The following DCDC1 variants were observed in gnomAD, a reference collection of about 807,000 sequenced individuals.
DCDC1 encodes doublecortin domain-containing protein 1.
Under a neutral mutation model 178.3 loss-of-function variants are expected in DCDC1, and 200 were observed. That is an observed-to-expected ratio of 1.12 (90% CI 1.00 to 1.26). The LOEUF is 1.26. Among genes scored for constraint, DCDC1 ranks in the 50% most tolerant of loss-of-function variants. DCDC1 has a pLI of 0.00. For missense variants in DCDC1, 1,983 were observed against 1,749.2 expected (o/e 1.13, Z -2.38); for synonymous variants, 690 against 604.8 (o/e 1.14, Z -2.07).
chr11:31,274,490 C>T (rs1945825055), intron 7 of DCDC1, among the ~76,000 whole-genome samples: 1 of 149,370 alleles, frequency 6.7e-6, no homozygotes, highest in Admixed American at 6.7e-5. Context: ...CTGGATTTAT[C>T]TGGAAACAAG....
rs35647764 is a variant in DCDC1 at position 31,250,758 on chromosome 11, ATT to A, written c.1055-9144_1055-9143del. On this transcript the variant is annotated intron_variant, in intron 8 of 38. Transcript: ENST00000684477. Reference sequence around the variant, plus strand: ...ACTTATGTTAGGCAGCATCCCTAATATTTTTTTTTTTTTTTGAGACGGAGTCT... The same window carrying A: ...ACTTATGTTAGGCAGCATCCCTAATATTTTTTTTTTTTTGAGACGGAGTCT... Among the ~76,000 whole-genome samples, 1,374 of 142,428 alleles carry A rather than the reference ATT, an allele frequency of 9.6e-3. 22 individuals carry two copies. The highest frequency in any genetic ancestry group is 0.03 in the African/African-American group (1,167 of 38,372). The allele number at this position is 142,428 out of a possible 152,430, so 93.4% of individuals were successfully genotyped here.
At chr11:31,345,152 T>TA (rs1950748518) in intron 1 of DCDC1, among the ~76,000 whole-genome samples, 9 of 151,950 alleles carry the variant, frequency 5.9e-5, no homozygotes, top group African/African-American at 1.4e-4. Flanking sequence ...AGGCCATTTT[T>TA]TAAAAAAAAC....
chr11:31,074,374 T>C (rs934231670), intron 18 of DCDC1, among the ~76,000 whole-genome samples: 3 of 152,184 alleles, frequency 2.0e-5, no homozygotes, highest in Non-Finnish European at 2.9e-5. Context: ...TGAAACTTAA[T>C]TGCCAATGTG....
At chr11:31,060,381 T>C (rs1955843818) in intron 20 of DCDC1, among the ~76,000 whole-genome samples, 1 of 152,092 alleles carries the variant, frequency 6.6e-6, no homozygotes, top group Admixed American at 6.6e-5. Context: ...TGTTCTGCCT[T>C]TGTTACCATT....
intron 9 of DCDC1, among the ~76,000 whole-genome samples, chr11:31,187,523 T>C (rs1969648655): frequency 6.6e-6 from 1 of 152,134 alleles, no homozygotes; most frequent in African/African-American, 2.4e-5. Context: ...AAAAACTTAA[T>C]TGGAACATCA....
intron 15 of DCDC1, among the ~76,000 whole-genome samples, chr11:31,100,759 A>G (rs1194535674): frequency 6.6e-6 from 1 of 152,234 alleles, no homozygotes; most frequent in Admixed American, 6.5e-5. Context: ...GGATCAATGA[A>G]GTCCAGACGA....
intron 36 of DCDC1, among the ~76,000 whole-genome samples, chr11:30,884,057 G>T (rs1384839201): frequency 1.3e-4 from 2 of 14,966 alleles, no homozygotes; most frequent in Non-Finnish European, 2.6e-4. Flanking sequence ...TTGAGACAGG[G>T]TCTCACTCTG....
chr11:31,003,182 T>G (rs540141727), intron 20 of DCDC1, among the ~76,000 whole-genome samples: 9 of 152,074 alleles, frequency 5.9e-5, no homozygotes, highest in Non-Finnish European at 1.2e-4. Context: ...CCATAACACT[T>G]TGTAAAGTTA....
At chr11:31,235,406 A>C (rs1414313067) in intron 9 of DCDC1, among the ~76,000 whole-genome samples, 1 of 151,948 alleles carries the variant, frequency 6.6e-6, no homozygotes, top group African/African-American at 2.4e-5. Flanking sequence ...TTGAGTAGAA[A>C]AAAAAAACAC....
intron 34 of DCDC1, among the ~76,000 whole-genome samples, chr11:30,895,112 C>A (rs1014333718): frequency 1.3e-5 from 2 of 152,088 alleles, no homozygotes; most frequent in African/African-American, 2.4e-5. Flanking sequence ...TATACTCAGC[C>A]CACATTTCAT....
chr11:31,010,660 G>C (rs796491822), intron 20 of DCDC1, among the ~76,000 whole-genome samples: 3 of 152,220 alleles, frequency 2.0e-5, no homozygotes, highest in African/African-American at 7.2e-5. Context: ...CCTCATTAAA[G>C]GTCACTTTAT....
chr11:31,330,249 T>G (rs1591778575), intron 2 of DCDC1, among the ~76,000 whole-genome samples: 1 of 17,658 alleles, frequency 5.7e-5, no homozygotes, highest in South Asian at 1.3e-3. Context: ...ATGGGGTTGG[T>G]TTTTTTCTTG....
intron 38 of DCDC1, among the ~76,000 whole-genome samples, chr11:30,875,200 T>TGTTGATC (rs895554546): frequency 2.6e-5 from 4 of 152,182 alleles, no homozygotes; most frequent in African/African-American, 7.2e-5. Context: ...GAGTGGTCTT[T>TGTTGATC]GTTGATCTTG....
At chr11:31,345,622 T>C (rs1052534557) in intron 1 of DCDC1, among the ~76,000 whole-genome samples, 8 of 152,112 alleles carry the variant, frequency 5.3e-5, no homozygotes, top group African/African-American at 1.9e-4. Flanking sequence ...ACATCAAGCA[T>C]ATAAATCCAT....
intron 1 of DCDC1, among the ~76,000 whole-genome samples, chr11:31,339,857 A>C (rs55808444): frequency 0.02 from 3,088 of 152,214 alleles, 96 homozygotes; most frequent in African/African-American, 0.069. Context: ...GGCCTGTCTC[A>C]GGCAAATCAA....
chr11:31,305,886 T>C (rs1232379030), intron 5 of DCDC1, 109 bp from the exon 6 acceptor site: 5 of 1,256,738 alleles, frequency 4.0e-6, no homozygotes, highest in Non-Finnish European at 5.4e-6. Flanking sequence ...ATTGAGTCAC[T>C]TGCCAATACA....
Position 30,932,438 on chromosome 11 carries a change from T to C in DCDC1, c.2716-486A>G, listed in dbSNP as rs575786736. ...TTCACGTTTCAGTTGTAGAATTCAG[T>C]TACTTTTTAATTCAGTTTGTATCAA... is the stretch of plus-strand genomic sequence containing the variant. On this transcript the variant is annotated intron_variant, in intron 21 of 38. Transcript: ENST00000684477. 3.9e-5 allele frequency among the ~76,000 whole-genome samples: 6 copies of C among 152,322 alleles called. No individual in the cohort carries two copies. The South Asian group carries it at 1.2e-3, about 32-fold the overall frequency.
At chr11:31,058,108 G>A (rs1298174772) in intron 20 of DCDC1, among the ~76,000 whole-genome samples, 1 of 152,074 alleles carries the variant, frequency 6.6e-6, no homozygotes, top group African/African-American at 2.4e-5. Flanking sequence ...AAAAAGGATA[G>A]AATATATAGA....
chr11:30,950,251 T>A (rs1948337997), intron 21 of DCDC1, among the ~76,000 whole-genome samples: 1 of 152,174 alleles, frequency 6.6e-6, no homozygotes, highest in African/African-American at 2.4e-5. Context: ...TTGGTGGGAA[T>A]GTAAATTAGT....
Sources: gnomAD v4.1 joint callset for allele counts (sites outside exome capture counted in the v4.1 genomes callset) on GRCh38, gnomAD v4.1.1 for gene constraint, MANE v1.5 for transcripts, NCBI Gene and HGNC (gene_info 2026-07-23, HGNC 2026-07-21) for gene names.